ATP2B4: variants seen among roughly 807,000 people sequenced by gnomAD.
ATP2B4 encodes the protein ATPase plasma membrane Ca2+ transporting 4.
In ATP2B4, 39 loss-of-function variants were observed where a neutral mutation model predicts 110.3. The observed-to-expected ratio is 0.35, with a 90% confidence interval of 0.27 to 0.46. The LOEUF (loss-of-function observed/expected upper bound fraction) is 0.46. ATP2B4 is among the 20% of genes least tolerant of loss of function. The pLI is 1.00. For synonymous variants in ATP2B4, 538 were observed against 571.7 expected (o/e 0.94, Z 0.84); for missense variants, 1,135 against 1,530.9 (o/e 0.74, Z 4.32).
chr1:203,633,434 T>A (rs1164194770), intron 1 of ATP2B4, among the ~76,000 whole-genome samples: 2 of 152,062 alleles, frequency 1.3e-5, no homozygotes, highest in Admixed American at 6.5e-5. Context: ...CACTCTAGAA[T>A]GGGTGATAAA....
Position 203,698,223 on chromosome 1 carries a change from C to A in ATP2B4, c.260C>A (p.Pro87His), listed in dbSNP as rs771816695. Reference protein sequence around the residue: ...RQVFGHNVIPPKKPKTFLELV... With the variant: ...RQVFGHNVIPHKKPKTFLELV... ...GTGTTTGGACACAACGTGATCCCCC[C>A]CAAAAAGCCCAAGACTTTCTTAGAA... The change falls in exon 3 of 21, where the codon CCC becomes CAC. Residue 87 changes from proline (P) to histidine (H), a missense_variant. Transcript: ENST00000357681. The A allele has an allele frequency of 3.7e-6, 6 of 1,614,082 alleles. No individual in the cohort carries two copies. The highest frequency in any genetic ancestry group is 1.3e-5 in the African/African-American group (1 of 74,906).
intron 20 of ATP2B4, among the ~76,000 whole-genome samples, chr1:203,734,583 G>A (rs1302072488): frequency 1.3e-5 from 2 of 151,100 alleles, no homozygotes; most frequent in African/African-American, 2.4e-5. Flanking sequence ...GTGCGTGCCT[G>A]TAATCCCAGC....
intron 15 of ATP2B4, among the ~76,000 whole-genome samples, chr1:203,717,354 AT>A (rs962141250): frequency 8.6e-5 from 13 of 151,488 alleles, no homozygotes; most frequent in East Asian, 1.9e-4. Flanking sequence ...CAATGAGTGG[AT>A]TTTTTTTTAA....
chr1:203,692,176 G>A lies in ATP2B4; in HGVS notation c.194-5981G>A, dbSNP rs140704936. Among the ~76,000 whole-genome samples the A allele has an allele frequency of 4.9e-3, 724 of 148,360 alleles. 4 individuals are homozygous for A. Among genetic ancestry groups the A allele is most frequent in the African/African-American group, 0.017 (676 of 40,188 alleles). ...ATTGCAGGCGTGAGCCACCACACCC[G>A]GCCTTTTTTTTCTTTTTTTGAGACA... On this transcript the variant is annotated intron_variant, in intron 2 of 20. Transcript: ENST00000357681.
chr1:203,670,060 G>A (rs1334644308), intron 1 of ATP2B4, among the ~76,000 whole-genome samples: 1 of 152,156 alleles, frequency 6.6e-6, no homozygotes, highest in African/African-American at 2.4e-5. Flanking sequence ...GTTCTTTCTA[G>A]TCCATGAGTT....
chr1:203,661,389 G>A (rs1426754625), intron 1 of ATP2B4, among the ~76,000 whole-genome samples: 1 of 152,094 alleles, frequency 6.6e-6, no homozygotes. Context: ...GGAGTGATAC[G>A]ACCCATTTCC....
rs1665052496 is a variant in ATP2B4 at position 203,682,723 on chromosome 1, C to A, written c.-464-19C>A. The stretch of plus-strand genomic sequence containing the variant: ...GCTCTAATGGTTTCTTTTTGTCTAT[C>A]TTTGAACCTTTATTCCAGAGATCCA... On this transcript the variant is annotated intron_variant, in intron 1 of 20. Coordinates refer to ENST00000357681, the MANE Select transcript of ATP2B4 (RefSeq NM_001684.5). 6.5e-6 allele frequency: 1 copy of A among 153,634 alleles called. No homozygotes were observed. Among genetic ancestry groups the A allele is most frequent in the African/African-American group, 2.4e-5 (1 of 41,454 alleles). 9.5% of individuals were successfully genotyped at this position (153,634 alleles called of 1,614,324 possible). A position where few individuals can be genotyped will look rare whatever the true frequency, so the allele number is the denominator to read the frequency against.
In ATP2B4 at chr1:203,741,023, C is replaced by T. The variant is rs539864734; in HGVS notation, c.*1169C>T. 5.3e-5 allele frequency: 8 copies of T among 152,326 alleles called. No homozygotes were observed. Among genetic ancestry groups the T allele is most frequent in the African/African-American group, 1.9e-4 (8 of 41,576 alleles). The allele number at this position is 152,326 out of a possible 1,614,324, so 9.4% of individuals were successfully genotyped here. On this transcript the variant is annotated 3_prime_UTR_variant, in exon 21 of 21. Transcript: ENST00000357681. ...GCCATTCTAGCATGATCTGAGAAAA[C>T]CTTCCTGCAGAGGCCAGAAACCTTG... is the stretch of plus-strand genomic sequence containing the variant.
intron 1 of ATP2B4, among the ~76,000 whole-genome samples, chr1:203,677,615 A>G (rs1340309497): frequency 6.6e-6 from 1 of 152,156 alleles, no homozygotes; most frequent in African/African-American, 2.4e-5. Flanking sequence ...GGCATTCACC[A>G]CCATGCCCAG....
At chr1:203,732,126 G>A (rs1426315665) in intron 20 of ATP2B4, among the ~76,000 whole-genome samples, 1 of 141,474 alleles carries the variant, frequency 7.1e-6, no homozygotes, top group Non-Finnish European at 1.5e-5. Context: ...GCAGTGAGCC[G>A]AGATCGCACC....
At chr1:203,714,505 G>A (rs959525154) in intron 15 of ATP2B4, among the ~76,000 whole-genome samples, 1 of 152,174 alleles carries the variant, frequency 6.6e-6, no homozygotes, top group Admixed American at 6.6e-5. Flanking sequence ...ATCATATGCA[G>A]GAAAGCCAGA....
intron 1 of ATP2B4, among the ~76,000 whole-genome samples, chr1:203,672,954 T>C (rs985897795): frequency 7.2e-5 from 11 of 152,018 alleles, no homozygotes; most frequent in African/African-American, 2.2e-4. Flanking sequence ...AAATGTGGGC[T>C]TTTTCAGGGC....
At chr1:203,660,075 C>G (rs1444024894) in intron 1 of ATP2B4, among the ~76,000 whole-genome samples, 1 of 148,218 alleles carries the variant, frequency 6.7e-6, no homozygotes, top group Non-Finnish European at 1.5e-5. Flanking sequence ...GAGCAAGACT[C>G]CATCTCAAAA....
intron 2 of ATP2B4, among the ~76,000 whole-genome samples, chr1:203,694,854 C>G (rs1405493243): frequency 6.6e-6 from 1 of 151,932 alleles, no homozygotes; most frequent in Non-Finnish European, 1.5e-5. Flanking sequence ...TGGTTTAGAC[C>G]AGGATGATAA....
Position 203,723,867 on chromosome 1 carries a change from T to A in ATP2B4, c.3025-14T>A. The A allele has an allele frequency of 6.3e-7, 1 of 1,591,486 alleles. No individual in the cohort carries two copies. Among genetic ancestry groups the A allele is most frequent in the East Asian group, 2.3e-5 (1 of 43,180 alleles). On this transcript the variant is annotated splice_polypyrimidine_tract_variant and intron_variant, in intron 18 of 20. Coordinates refer to ENST00000357681, the MANE Select transcript of ATP2B4 (RefSeq NM_001684.5). ...CATTTCCTTGATGGTGGGCTGCCCC[T>A]TTCTCTGTTCTAGATTTTCATCGTG...
chr1:203,725,904 CTTTTTTTTT>C (rs756184004), intron 19 of ATP2B4, among the ~76,000 whole-genome samples: 1 of 93,382 alleles, frequency 1.1e-5, no homozygotes, highest in Non-Finnish European at 2.0e-5. Flanking sequence ...CTTTTCTTTT[CTTTTTTTTT>C]TTTTTTTTTT....
At position 203,720,708 on chromosome 1, in the gene ATP2B4, A is replaced by T; in HGVS notation, c.2566A>T (p.Ile856Phe). The T allele has an allele frequency of 6.2e-7, 1 of 1,613,550 alleles. No homozygotes were observed. Among genetic ancestry groups the T allele is most frequent in the Non-Finnish European group, 8.5e-7 (1 of 1,179,620 alleles). The change falls in exon 16 of 21, where the codon ATT (isoleucine) becomes TTT (phenylalanine). Residue 856 changes from isoleucine (I) to phenylalanine (F), a missense_variant. Coordinates refer to ENST00000357681, the MANE Select transcript of ATP2B4 (RefSeq NM_001684.5). The part of the protein sequence containing the change: ...FQLTVNVVAV[I>F]VAFTGACITQ... ...GCTCACTGTCAATGTGGTGGCCGTG[A>T]TTGTAGCCTTCACTGGAGCCTGTAT...
At chr1:203,656,352 A>AT (rs569537701) in intron 1 of ATP2B4, among the ~76,000 whole-genome samples, 32 of 152,062 alleles carry the variant, frequency 2.1e-4, no homozygotes, top group African/African-American at 6.5e-4. Flanking sequence ...AGACTTTAGT[A>AT]TTTTTTTTCA....
At chr1:203,672,568 G>A (rs1397152001) in intron 1 of ATP2B4, among the ~76,000 whole-genome samples, 3 of 152,048 alleles carry the variant, frequency 2.0e-5, no homozygotes, top group African/African-American at 7.3e-5. Flanking sequence ...CGGAGCAGTG[G>A]GCAGGCGCTC....
Sources: gnomAD v4.1 joint callset for allele counts (sites outside exome capture counted in the v4.1 genomes callset) on GRCh38, gnomAD v4.1.1 for gene constraint, MANE v1.5 for transcripts, NCBI Gene and HGNC (gene_info 2026-07-23, HGNC 2026-07-21) for gene names.